The following ITPR2 variants were observed in gnomAD, a reference collection of about 807,000 sequenced individuals.
ITPR2 encodes inositol 1,4,5-trisphosphate-gated calcium channel ITPR2.
Under a neutral mutation model 317.1 loss-of-function variants are expected in ITPR2, and 207 were observed. The ratio of observed to expected loss-of-function variants is 0.65; its 90% CI spans 0.58 to 0.73. The LOEUF is 0.73. ITPR2 is among the 30% of genes least tolerant of loss of function. The pLI, the probability that ITPR2 is intolerant of heterozygous loss-of-function variation, is 0.00. For missense variants in ITPR2, 2,613 were observed against 3,284.0 expected (o/e 0.80, Z 4.99); for synonymous variants, 1,156 against 1,149.1 (o/e 1.01, Z -0.12).
At position 26,439,159 on chromosome 12, in the gene ITPR2, T is replaced by C; in HGVS notation, c.6611A>G (p.Tyr2204Cys). ...TTTCTTCTGCCACTTCATTTCATTG[T>C]AGAGATCTTCTGTTTGCTGGAAAAA... ...NDFFQQTEDLYNEMKWQKKIR... is the reference protein window; with the variant it reads ...NDFFQQTEDLCNEMKWQKKIR... The change falls in exon 47 of 57, where the codon TAC becomes TGC. Residue 2204 changes from tyrosine to cysteine, a missense_variant. By Grantham distance (194) the Tyr-to-Cys change is radical (BLOSUM62 -2). This residue lies in a region of ITPR2 where 926 missense variants were observed against 1,072.8 expected (regional missense o/e 0.86). Coordinates refer to ENST00000381340, the MANE Select transcript of ITPR2 (RefSeq NM_002223.4). 1 of 1,611,358 alleles carries C rather than the reference T, an allele frequency of 6.2e-7. No homozygotes were observed. Among genetic ancestry groups the C allele is most frequent in the Admixed American group, 1.7e-5 (1 of 59,542 alleles).
chr12:26,789,274 G>C (rs748974140), intron 2 of ITPR2, among the ~76,000 whole-genome samples: 1 of 152,140 alleles, frequency 6.6e-6, no homozygotes, highest in Non-Finnish European at 1.5e-5. Context: ...ATTCCCATAA[G>C]AGATATTGTA....
At chr12:26,365,660 A>G (rs562829456) in intron 55 of ITPR2, among the ~76,000 whole-genome samples, 2 of 152,368 alleles carry the variant, frequency 1.3e-5, no homozygotes, top group South Asian at 4.1e-4. Context: ...ATACTTGCAT[A>G]CTAGCTAAAG....
chr12:26,822,918 A>C (rs894388951), intron 1 of ITPR2, among the ~76,000 whole-genome samples: 2 of 152,152 alleles, frequency 1.3e-5, no homozygotes, highest in African/African-American at 4.8e-5. Flanking sequence ...TGTTTGCTTT[A>C]GTTTTTTGGA....
chr12:26,447,571 T>C (rs1941638463), intron 45 of ITPR2, among the ~76,000 whole-genome samples: 1 of 151,972 alleles, frequency 6.6e-6, no homozygotes, highest in Non-Finnish European at 1.5e-5. Context: ...ATAATAATTA[T>C]TTCTTCGTAT....
intron 1 of ITPR2, among the ~76,000 whole-genome samples, chr12:26,804,638 G>A (rs1221710410): frequency 6.6e-6 from 1 of 152,004 alleles, no homozygotes; most frequent in Non-Finnish European, 1.5e-5. Context: ...TCCAACCCCT[G>A]GAGGCAGAAA....
intron 2 of ITPR2, among the ~76,000 whole-genome samples, chr12:26,732,598 G>T (rs930993342): frequency 1.3e-5 from 2 of 152,128 alleles, no homozygotes; most frequent in Non-Finnish European, 2.9e-5. Context: ...GTTAGCCAGG[G>T]TTATTTTCTC....
Position 26,622,311 on chromosome 12 carries a change from G to A in ITPR2, c.3217C>T (p.Leu1073=), listed in dbSNP as rs1325148717. The A allele has an allele frequency of 6.8e-6, 11 of 1,613,990 alleles. No individual in the cohort carries two copies. Among genetic ancestry groups the A allele is most frequent in the Non-Finnish European group, 6.8e-6 (8 of 1,179,916 alleles). Residue 1073 remains leucine, a synonymous_variant, in exon 25 of 57, where the codon CTG becomes TTG. Coordinates refer to ENST00000381340, the MANE Select transcript of ITPR2 (RefSeq NM_002223.4). ...AACAACAGCTGCAGGGCTCCAGACA[G>A]CAAAGGCGGGTAGTCGTGCATGATC... ...HLIMHDYPPL[L]SGALQLLFKH... is the part of the protein sequence containing the mutation.
intron 9 of ITPR2, 55 bp downstream of exon 9, chr12:26,711,118 C>T: frequency 8.1e-7 from 1 of 1,238,254 alleles, no homozygotes; most frequent in Non-Finnish European, 1.2e-6. Flanking sequence ...ACCCAACTGC[C>T]TCTTTCACTA....
Position 26,782,566 on chromosome 12 carries a change from G to A in ITPR2, c.163+7591C>T, listed in dbSNP as rs150711598. ...CTAATTCAATAGATAGTATGGCACA[G>A]TGGTTAAAAACAAACAGCTCTAGAG... is the stretch of plus-strand genomic sequence containing the variant. On this transcript the variant is annotated intron_variant, in intron 2 of 56. Coordinates refer to ENST00000381340, the MANE Select transcript of ITPR2 (RefSeq NM_002223.4). Among the ~76,000 whole-genome samples the A allele has an allele frequency of 8.2e-3, 1,249 of 152,284 alleles. 9 individuals carry two copies. The highest frequency in any genetic ancestry group is 0.012 in the Non-Finnish European group (838 of 68,006).
chr12:26,655,930 T>C, intron 19 of ITPR2, 78 bp from the exon 20 acceptor site: 1 of 1,377,838 alleles, frequency 7.3e-7, no homozygotes, highest in South Asian at 1.3e-5. Context: ...CGTAGTTTCC[T>C]GGGTGCATAA....
In ITPR2 at chr12:26,772,466, TG is replaced by T. The variant is rs1159596941; in HGVS notation, c.163+17690del. ...TTATATATATTATATATATAATACATGTATTATATATAATATATATAATACA... is the reference window on the plus strand; with the variant it reads ...TTATATATATTATATATATAATACATTATTATATATAATATATATAATACA... On this transcript the variant is annotated intron_variant, in intron 2 of 56. Coordinates refer to ENST00000381340, the MANE Select transcript of ITPR2 (RefSeq NM_002223.4). Among the ~76,000 whole-genome samples the T allele has an allele frequency of 7.9e-3, 391 of 49,590 alleles. 10 individuals carry two copies. The highest frequency in any genetic ancestry group is 0.014 in the Non-Finnish European group (345 of 24,994). 32.5% of individuals were successfully genotyped at this position (49,590 alleles called of 152,430 possible).
chr12:26,702,980 A>C (rs1009230542), intron 9 of ITPR2, among the ~76,000 whole-genome samples: 1 of 152,210 alleles, frequency 6.6e-6, no homozygotes, highest in African/African-American at 2.4e-5. Context: ...TTTCCAGCAT[A>C]TCAAATGGTC....
Position 26,466,874 on chromosome 12 carries a change from AGCT to A in ITPR2, c.6342+8419_6342+8421del, listed in dbSNP as rs1179123324. On this transcript the variant is annotated intron_variant, in intron 45 of 56. Transcript: ENST00000381340. Reference sequence around the variant, plus strand: ...AGTGCCTCTGTGAGTTGAAAAACCCAGCTGTGTTTTCTACGTTCTGCACTACAA... The same window carrying A: ...AGTGCCTCTGTGAGTTGAAAAACCCAGTGTTTTCTACGTTCTGCACTACAA... 3.3e-5 allele frequency among the ~76,000 whole-genome samples: 5 copies of A among 152,328 alleles called. No homozygotes were observed. The South Asian group carries it at 6.2e-4, about 19-fold the overall frequency.
chr12:26,591,473 T>C (rs112616784), intron 32 of ITPR2, among the ~76,000 whole-genome samples: 4 of 152,152 alleles, frequency 2.6e-5, no homozygotes, highest in African/African-American at 9.7e-5. Flanking sequence ...GAAACCCTTG[T>C]ACACATTAGT....
At chr12:26,416,046 A>T (rs1592003685) in intron 50 of ITPR2, among the ~76,000 whole-genome samples, 2 of 152,312 alleles carry the variant, frequency 1.3e-5, no homozygotes, top group East Asian at 3.9e-4. Flanking sequence ...TATGAAATAT[A>T]AAACTATTTG....
chr12:26,615,139 G>A (rs558041006), intron 26 of ITPR2, among the ~76,000 whole-genome samples: 16 of 152,206 alleles, frequency 1.1e-4, no homozygotes, highest in African/African-American at 3.6e-4. Flanking sequence ...AAAAAGATAT[G>A]AGCGCATAAT....
chr12:26,645,212 G>T (rs1947087046), intron 21 of ITPR2, among the ~76,000 whole-genome samples: 1 of 152,178 alleles, frequency 6.6e-6, no homozygotes, highest in South Asian at 2.1e-4. Context: ...TAATTCTAGA[G>T]TTGCCGAGAA....
In ITPR2 at chr12:26,460,179, G is replaced by A. The variant is rs572423298; in HGVS notation, c.6342+15117C>T. Among the ~76,000 whole-genome samples, 13 of 152,242 alleles carry A rather than the reference G, an allele frequency of 8.5e-5. No individual in the cohort carries two copies. In the South Asian group the frequency reaches 2.5e-3, roughly 29 times the overall value. ...CAAGATCTGCATGTCCTCCTGATCC[G>A]ACCCTGCCTCCATCCTGTGTCTCAC... On this transcript the variant is annotated intron_variant, in intron 45 of 56. Coordinates refer to ENST00000381340, the MANE Select transcript of ITPR2 (RefSeq NM_002223.4).
Position 26,793,193 on chromosome 12 carries a change from G to C in ITPR2, c.93-2966C>G, listed in dbSNP as rs191395465. ...AAGGACCAGAATTTACAACCAAATA[G>C]GGATAAATACAAAGATTGACCTTTG... On this transcript the variant is annotated intron_variant, in intron 1 of 56. Transcript: ENST00000381340. Among the ~76,000 whole-genome samples the C allele has an allele frequency of 1.8e-3, 281 of 152,208 alleles. 2 individuals carry two copies. Among genetic ancestry groups the C allele is most frequent in the Non-Finnish European group, 2.8e-4 (19 of 67,998 alleles).
Sources: gnomAD v4.1 joint callset for allele counts (sites outside exome capture counted in the v4.1 genomes callset) on GRCh38, gnomAD v4.1.1 for gene constraint, gnomAD v4.1.1 regional missense constraint, MANE v1.5 for transcripts, NCBI Gene and HGNC (gene_info 2026-07-23, HGNC 2026-07-21) for gene names.